The following XYLT1 variants were observed in gnomAD, a reference collection of about 807,000 sequenced individuals.
XYLT1 encodes xylosyltransferase 1.
XYLT1 carries 36 observed loss-of-function variants against 91.3 expected under a neutral mutation model. The observed-to-expected ratio is 0.39, with a 90% confidence interval of 0.30 to 0.52. The LOEUF (loss-of-function observed/expected upper bound fraction) is 0.52. Ranked by LOEUF, XYLT1 falls within the 20% of genes least tolerant of loss-of-function variation. XYLT1 has a pLI of 0.68. For synonymous variants in XYLT1, 588 were observed against 532.0 expected (o/e 1.11, Z -1.45); for missense variants, 1,242 against 1,284.5 (o/e 0.97, Z 0.51).
At chr16:17,417,696 G>T (rs929347809) in intron 1 of XYLT1, among the ~76,000 whole-genome samples, 2 of 152,162 alleles carry the variant, frequency 1.3e-5, no homozygotes, top group East Asian at 3.9e-4. Flanking sequence ...TGCCTTTATC[G>T]AAAGGTAGTG....
At position 17,152,999 on chromosome 16, in the gene XYLT1, C is replaced by G. The variant is rs112320505; in HGVS notation, c.1370+5830G>C. Reference sequence around the variant, plus strand: ...AAGGGCCCAAAAGAATCTCCCATGTCCCCAGTGGACATGAGAGTTATTGAA... The same window carrying G: ...AAGGGCCCAAAAGAATCTCCCATGTGCCCAGTGGACATGAGAGTTATTGAA... On this transcript the variant is annotated intron_variant, in intron 6 of 11. Coordinates refer to ENST00000261381, the MANE Select transcript of XYLT1 (RefSeq NM_022166.4). Among the ~76,000 whole-genome samples, 1,313 of 152,202 alleles carry G rather than the reference C, an allele frequency of 8.6e-3. 8 individuals carry two copies. Among genetic ancestry groups the G allele is most frequent in the Non-Finnish European group, 0.012 (832 of 68,002 alleles).
At chr16:17,196,600 A>G (rs1454599298) in intron 5 of XYLT1, among the ~76,000 whole-genome samples, 1 of 152,110 alleles carries the variant, frequency 6.6e-6, no homozygotes, top group Non-Finnish European at 1.5e-5. Context: ...TGCCTTAATA[A>G]AAGTTTTATT....
intron 3 of XYLT1, among the ~76,000 whole-genome samples, chr16:17,235,333 T>C (rs1352361042): frequency 7.5e-6 from 1 of 133,452 alleles, no homozygotes; most frequent in African/African-American, 2.9e-5. Flanking sequence ...TTTGGAGACC[T>C]ACTATGTGCT....
intron 1 of XYLT1, among the ~76,000 whole-genome samples, chr16:17,452,768 A>T (rs2036683657): frequency 6.6e-6 from 1 of 152,194 alleles, no homozygotes; most frequent in African/African-American, 2.4e-5. Flanking sequence ...ATCTATTAAG[A>T]TTCTTTTTAG....
At chr16:17,387,162 G>A (rs947090513) in intron 1 of XYLT1, among the ~76,000 whole-genome samples, 3 of 152,168 alleles carry the variant, frequency 2.0e-5, no homozygotes, top group African/African-American at 7.2e-5. Context: ...AACACTCAGT[G>A]TATGGATTCC....
intron 1 of XYLT1, among the ~76,000 whole-genome samples, chr16:17,396,519 G>A (rs988829135): frequency 2.6e-5 from 4 of 152,192 alleles, no homozygotes; most frequent in Middle Eastern, 3.2e-3. Context: ...TTTATTCTTA[G>A]TTGTGGTAGT....
intron 3 of XYLT1, among the ~76,000 whole-genome samples, chr16:17,202,855 C>A (rs1297283407): frequency 2.0e-5 from 3 of 151,916 alleles, no homozygotes; most frequent in African/African-American, 7.3e-5. Context: ...GTATCTGACA[C>A]ACATCTGGTT....
At chr16:17,202,876 CA>C (rs2032569788) in intron 3 of XYLT1, among the ~76,000 whole-genome samples, 1 of 152,050 alleles carries the variant, frequency 6.6e-6, no homozygotes, top group African/African-American at 2.4e-5. Flanking sequence ...CTCGGTGAAA[CA>C]AAAGTTACAG....
intron 3 of XYLT1, among the ~76,000 whole-genome samples, chr16:17,239,718 C>T (rs775390787): frequency 6.9e-4 from 104 of 151,636 alleles, no homozygotes; most frequent in Non-Finnish European, 1.1e-3. Flanking sequence ...ATCCACCCAC[C>T]GAGTCTGTCT....
chr16:17,362,076 C>A (rs1260852490), intron 1 of XYLT1, among the ~76,000 whole-genome samples: 1 of 152,178 alleles, frequency 6.6e-6, no homozygotes, highest in African/African-American at 2.4e-5. Flanking sequence ...GATCTGATCC[C>A]AGCATCTTAC....
chr16:17,361,445 C>T (rs2035380180), intron 1 of XYLT1, among the ~76,000 whole-genome samples: 2 of 152,212 alleles, frequency 1.3e-5, no homozygotes, highest in Non-Finnish European at 1.5e-5. Context: ...TAAACACTGA[C>T]CTCGATAGAT....
At chr16:17,454,718 T>C (rs897935416) in intron 1 of XYLT1, among the ~76,000 whole-genome samples, 2 of 151,856 alleles carry the variant, frequency 1.3e-5, no homozygotes, top group African/African-American at 4.8e-5. Flanking sequence ...TTGTACCTTT[T>C]AGTAGAGATG....
intron 3 of XYLT1, among the ~76,000 whole-genome samples, chr16:17,238,514 T>C (rs558349142): frequency 6.6e-6 from 1 of 152,342 alleles, no homozygotes; most frequent in African/African-American, 2.4e-5. Flanking sequence ...GTAGTGTTTT[T>C]ACAAAAGCAG....
At chr16:17,240,095 T>A (rs750658914) in intron 3 of XYLT1, among the ~76,000 whole-genome samples, 42 of 152,328 alleles carry the variant, frequency 2.8e-4, no homozygotes, top group Non-Finnish European at 1.9e-4. Context: ...ATAAATGCTA[T>A]AAAAGAAAAG....
At chr16:17,299,041 G>T (rs1159905647) in intron 2 of XYLT1, among the ~76,000 whole-genome samples, 1 of 151,936 alleles carries the variant, frequency 6.6e-6, no homozygotes, top group African/African-American at 2.4e-5. Context: ...ATAATATTAT[G>T]TATTTGCCTA....
In XYLT1 at chr16:17,127,680, G is replaced by T. The variant is rs1388039038; in HGVS notation, c.2209C>A (p.Leu737Ile). 1.2e-6 allele frequency: 2 copies of T among 1,613,150 alleles called. No homozygotes were observed. Among genetic ancestry groups the T allele is most frequent in the Admixed American group, 3.3e-5 (2 of 59,706 alleles). Reference protein sequence around the residue: ...IASPPSDFGRLQFSEVGTDWD... With the variant: ...IASPPSDFGRIQFSEVGTDWD... ...TGGCCTCTTACCTCGGAAAACTGAA[G>T]CCTCCCAAAGTCACTGGGTGGGCTT... The change falls in exon 10 of 12, where the codon CTT becomes ATT. Residue 737 changes from leucine (L) to isoleucine (I), a missense_variant. By Grantham distance (5) the Leu-to-Ile change is conservative (BLOSUM62 2). Coordinates refer to ENST00000261381, the MANE Select transcript of XYLT1 (RefSeq NM_022166.4).
chr16:17,256,658 A>T (rs1484047056), intron 3 of XYLT1, among the ~76,000 whole-genome samples: 3 of 151,312 alleles, frequency 2.0e-5, no homozygotes, highest in Non-Finnish European at 4.4e-5. Flanking sequence ...CGAAAAAAAA[A>T]ACAAAAAAAA....
At chr16:17,167,925 G>A (rs1429221375) in intron 5 of XYLT1, among the ~76,000 whole-genome samples, 2 of 152,156 alleles carry the variant, frequency 1.3e-5, no homozygotes, top group African/African-American at 4.8e-5. Context: ...TGGGGGAGGA[G>A]GAGACACTGC....
intron 1 of XYLT1, among the ~76,000 whole-genome samples, chr16:17,454,901 C>A (rs12930562): frequency 0.019 from 1,270 of 66,312 alleles, 13 homozygotes; most frequent in Non-Finnish European, 0.026. Flanking sequence ...ATCATTCTTT[C>A]CTCCCCCCCC....
Sources: allele counts gnomAD v4.1 joint callset (sites outside exome capture counted in the v4.1 genomes callset), GRCh38; gene constraint gnomAD v4.1.1; transcripts MANE v1.5; gene names NCBI Gene and HGNC (gene_info 2026-07-23, HGNC 2026-07-21).